The following NLRP5 variants were observed in gnomAD, a reference collection of about 807,000 sequenced individuals.
The protein encoded by NLRP5 is NACHT, LRR and PYD domains-containing protein 5.
A neutral mutation model predicts 113.1 loss-of-function variants in NLRP5; 93 were observed. The ratio of observed to expected loss-of-function variants is 0.82; its 90% confidence interval spans 0.70 to 0.98. NLRP5 has a LOEUF of 0.98. Among genes scored for constraint, NLRP5 ranks in the 50% least tolerant of loss-of-function variants. The probability of loss-of-function intolerance (pLI) is 0.00; values close to 1 mark genes in which losing one functional copy is unlikely to be tolerated. For synonymous variants in NLRP5, 751 were observed against 600.7 expected (o/e 1.25, Z -3.66); for missense variants, 1,808 against 1,514.3 (o/e 1.19, Z -3.22).
At chr19:56,059,209 CA>C (rs1266172253) in intron 14 of NLRP5, among the ~76,000 whole-genome samples, 7 of 152,196 alleles carry the variant, frequency 4.6e-5, no homozygotes. Context: ...AGCTCACACA[CA>C]TCATTTCAGC....
chr19:55,992,012 A>G, the NLRP5 span, among the ~76,000 whole-genome samples: 1 of 151,754 alleles, frequency 6.6e-6, no homozygotes, highest in Non-Finnish European at 1.5e-5. Context: ...TCTGCTTCTC[A>G]CCCTCCTCCC....
intron 11 of NLRP5, among the ~76,000 whole-genome samples, chr19:56,043,739 AT>A (rs1332597276): frequency 3.3e-5 from 5 of 150,060 alleles, no homozygotes; most frequent in African/African-American, 1.2e-4. Flanking sequence ...CACCCGGCTA[AT>A]TTTTTTGTGT....
rs1470229792 is a variant in NLRP5, at chr19:56,055,536, TC to T, written c.3299+1729del. Reference sequence around the variant, plus strand: ...TCCATGTTCTATTTTTCTTTCTCTGTCTTTTTTTTTTTTTTTTTTTTTTTTT... The same window carrying T: ...TCCATGTTCTATTTTTCTTTCTCTGTTTTTTTTTTTTTTTTTTTTTTTTTT... On this transcript the variant is annotated intron_variant, in intron 13 of 14. Transcript: ENST00000390649. 2.0e-3 allele frequency among the ~76,000 whole-genome samples: 124 copies of T among 62,086 alleles called. 2 individuals carry two copies. Among genetic ancestry groups the T allele is most frequent in the Non-Finnish European group, 2.7e-3 (73 of 27,046 alleles). The allele number at this position is 62,086 out of a possible 152,430, so 40.7% of individuals were successfully genotyped here.
rs749175273 is a variant in NLRP5, at chr19:56,027,066, G to A, written c.833G>A (p.Arg278Gln). 10 of 1,556,480 alleles carry A rather than the reference G, an allele frequency of 6.4e-6. No homozygotes were observed. Among genetic ancestry groups the A allele is most frequent in the African/African-American group, 1.4e-5 (1 of 73,224 alleles). Residue 278 changes from arginine (R) to glutamine (Q), a missense_variant, in exon 7 of 15, where the codon CGG (arginine) becomes CAG (glutamine). Coordinates refer to ENST00000390649, the MANE Select transcript of NLRP5 (RefSeq NM_153447.4). ...TTTGATTCAGACCGGTGGGGCTTCC[G>A]GCCTCGCACGGTGGTTCTGCACGGA...
At chr19:55,990,087 T>C in the NLRP5 span, among the ~76,000 whole-genome samples, 141 of 63,354 alleles carry the variant, frequency 2.2e-3, no homozygotes, top group South Asian at 8.9e-3. Flanking sequence ...TTCTTTTTTT[T>C]TTTTTTTTTT....
intron 2 of NLRP5, among the ~76,000 whole-genome samples, chr19:56,004,528 T>C (rs886550459): frequency 4.6e-5 from 7 of 152,124 alleles, no homozygotes; most frequent in Non-Finnish European, 1.0e-4. Flanking sequence ...AAGAACCTCA[T>C]TGGTTGATAA....
chr19:56,044,922 C>T (rs867590409), intron 11 of NLRP5, among the ~76,000 whole-genome samples: 7 of 152,202 alleles, frequency 4.6e-5, no homozygotes, highest in Middle Eastern at 3.4e-3. Flanking sequence ...GGTCTTTTAC[C>T]TCCTTGGTTA....
chr19:56,000,248 A>G (rs1355782836), intron 1 of NLRP5, among the ~76,000 whole-genome samples: 1 of 152,224 alleles, frequency 6.6e-6, no homozygotes. Context: ...ACAATTGTCC[A>G]GGGACTGCTA....
chr19:56,061,002 C>T (rs1392392813), intron 14 of NLRP5, among the ~76,000 whole-genome samples: 2 of 147,754 alleles, frequency 1.4e-5, no homozygotes, highest in East Asian at 3.9e-4. Flanking sequence ...TCTAGAAAGT[C>T]ACTGGGCATG....
At chr19:56,049,798 CCTCT>C (rs1983863488) in intron 11 of NLRP5, among the ~76,000 whole-genome samples, 1 of 151,918 alleles carries the variant, frequency 6.6e-6, no homozygotes. Context: ...TTCTCTAATC[CCTCT>C]CTGATTAGCT....
At chr19:55,987,876 C>T in the NLRP5 span, 134 of 1,613,956 alleles carry the variant, frequency 8.3e-5, 1 homozygote, top group Middle Eastern at 1.3e-3. Flanking sequence ...CCCGACTTCA[C>T]GGGAAAAAGT....
upstream of NLRP5, among the ~76,000 whole-genome samples, chr19:55,998,054 A>G (rs1184127730): frequency 6.6e-6 from 1 of 152,110 alleles, no homozygotes; most frequent in Non-Finnish European, 1.5e-5. Context: ...ATGGTAGCAT[A>G]CACACACACA....
At chr19:56,059,433 G>A (rs1237614460) in intron 14 of NLRP5, among the ~76,000 whole-genome samples, 1 of 152,238 alleles carries the variant, frequency 6.6e-6, no homozygotes, top group African/African-American at 2.4e-5. Flanking sequence ...CCCTGAGCAT[G>A]AAGGAACACA....
intron 11 of NLRP5, among the ~76,000 whole-genome samples, chr19:56,042,777 A>C (rs306442): frequency 0.19 from 28,573 of 152,146 alleles, 2,906 homozygotes; most frequent in Middle Eastern, 0.21. Context: ...AAATCCCCAA[A>C]GTCCATTGTA....
intron 14 of NLRP5, among the ~76,000 whole-genome samples, chr19:56,060,676 C>A (rs546461172): frequency 1.3e-5 from 2 of 152,176 alleles, no homozygotes; most frequent in East Asian, 3.9e-4. Flanking sequence ...TTGTAAGGAA[C>A]AGATGCCTTT....
rs528692796 is a variant in NLRP5, at chr19:56,030,774, G to A, written c.2277-1837G>A. 2.7e-4 allele frequency among the ~76,000 whole-genome samples: 36 copies of A among 131,882 alleles called. No individual in the cohort carries two copies. In the East Asian group the frequency reaches 7.0e-3, roughly 26 times the overall value. 86.5% of individuals were successfully genotyped at this position (131,882 alleles called of 152,430 possible). ...CGGTCACCCAGGCTGGAGTGCAGTG[G>A]TGCGATCTCAGCTCACTGCAACCTC... On this transcript the variant is annotated intron_variant, in intron 7 of 14. Coordinates refer to ENST00000390649, the MANE Select transcript of NLRP5 (RefSeq NM_153447.4).
Position 56,057,380 on chromosome 19 carries a change from A to T in NLRP5, c.3300-860A>T, listed in dbSNP as rs546949815. Among the ~76,000 whole-genome samples, 22 of 148,038 alleles carry T rather than the reference A, an allele frequency of 1.5e-4. No homozygotes were observed. In the East Asian group the frequency reaches 4.8e-3, roughly 32 times the overall value. Reference sequence around the variant, plus strand: ...TGGCTTTCTGTTGCTCTTAAGATGAAATTCTAAACCCTTAGTATGACCTAG... The same window carrying T: ...TGGCTTTCTGTTGCTCTTAAGATGATATTCTAAACCCTTAGTATGACCTAG... On this transcript the variant is annotated intron_variant, in intron 13 of 14. Coordinates refer to ENST00000390649, the MANE Select transcript of NLRP5 (RefSeq NM_153447.4).
intron 13 of NLRP5, among the ~76,000 whole-genome samples, chr19:56,054,400 A>T (rs1984048918): frequency 6.6e-6 from 1 of 152,096 alleles, no homozygotes; most frequent in Admixed American, 6.6e-5. Context: ...TCTACTAAAA[A>T]TACAAAAATT....
chr19:56,047,162 C>G (rs765325238), intron 11 of NLRP5, among the ~76,000 whole-genome samples: 1 of 152,128 alleles, frequency 6.6e-6, no homozygotes, highest in East Asian at 1.9e-4. Flanking sequence ...TGCCAATAGT[C>G]TATCAATTTT....
Sources: gnomAD v4.1 joint callset for allele counts (sites outside exome capture counted in the v4.1 genomes callset) on GRCh38, gnomAD v4.1.1 for gene constraint, MANE v1.5 for transcripts, NCBI Gene and HGNC (gene_info 2026-07-23, HGNC 2026-07-21) for gene names.